BCR: variants seen among roughly 807,000 people sequenced by gnomAD.
BCR encodes the protein BCR activator of RhoGEF and GTPase.
In BCR, 58 loss-of-function variants were observed where a neutral mutation model predicts 138.6. The observed-to-expected ratio is 0.42, with a 90% CI of 0.34 to 0.52. BCR has a LOEUF of 0.52. Among genes scored for constraint, BCR ranks in the 20% least tolerant of loss-of-function variants. The pLI is 0.06. For missense variants in BCR, 1,599 were observed against 1,727.2 expected (o/e 0.93, Z 1.32); for synonymous variants, 786 against 730.1 (o/e 1.08, Z -1.23).
rs1356577528 is a variant in BCR at position 23,181,526 on chromosome 22, T to C, written c.566T>C (p.Val189Ala). The stretch of plus-strand genomic sequence containing the variant: ...GAGTTTCACCACGAGCGCGGCCTGG[T>C]GAAGGTCAACGACAAAGAGGTGTCG... ...NVEFHHERGL[V>A]KVNDKEVSDR... Residue 189 changes from valine to alanine, a missense_variant, in exon 1 of 23, where the codon GTG (valine) becomes GCG (alanine). Transcript: ENST00000305877. 6.2e-7 allele frequency: 1 copy of C among 1,612,526 alleles called. No individual in the cohort carries two copies. Among genetic ancestry groups the C allele is most frequent in the Non-Finnish European group, 8.5e-7 (1 of 1,179,844 alleles).
chr22:23,277,061 G>T (rs2073586291), intron 8 of BCR, among the ~76,000 whole-genome samples: 1 of 152,234 alleles, frequency 6.6e-6, no homozygotes, highest in South Asian at 2.1e-4. Context: ...GACGACACTA[G>T]CCAGGAAAGG....
rs186595247 is a variant in BCR, at chr22:23,284,976, A to T, written c.2238-57A>T. On this transcript the variant is annotated intron_variant, in intron 9 of 22. Coordinates refer to ENST00000305877, the MANE Select transcript of BCR (RefSeq NM_004327.4). ...GGCTCTTGGGCTCTTGACAGCAGTG[A>T]CATCAGCCATAGAAGGCAGTCGGTG... 2.6e-5 allele frequency: 40 copies of T among 1,564,972 alleles called. No individual in the cohort carries two copies. In the African/African-American group the frequency reaches 5.3e-4, roughly 21 times the overall value.
rs967146806 is a variant in BCR, at chr22:23,261,130, G to C, written c.1566+76G>C. On this transcript the variant is annotated intron_variant, in intron 3 of 22. Transcript: ENST00000305877. ...GGTTGGGGAGCCTCTTTGCCCTTAAGTCCCAGGTCAGCTGTCAGAGCCTGG... is the reference window on the plus strand; with the variant it reads ...GGTTGGGGAGCCTCTTTGCCCTTAACTCCCAGGTCAGCTGTCAGAGCCTGG... The C allele has an allele frequency of 4.8e-6, 7 of 1,450,492 alleles. No homozygotes were observed. The African/African-American group carries it at 7.0e-5, about 15-fold the overall frequency. The allele number at this position is 1,450,492 out of a possible 1,614,324, so 89.9% of individuals were successfully genotyped here. A position where few individuals can be genotyped will look rare whatever the true frequency, so the allele number is the denominator to read the frequency against.
intron 16 of BCR, among the ~76,000 whole-genome samples, chr22:23,304,989 C>G (rs531411437): frequency 6.6e-6 from 1 of 152,224 alleles, no homozygotes; most frequent in South Asian, 2.1e-4. Flanking sequence ...GTGGCAGGTG[C>G]CTGTAATCCC....
At position 23,181,577 on chromosome 22, in the gene BCR, A is replaced by T; in HGVS notation, c.617A>T (p.Gln206Leu). Residue 206 changes from glutamine (Q) to leucine (L), a missense_variant, in exon 1 of 23, where the codon CAG (glutamine) becomes CTG (leucine). This residue lies in a region of BCR where 806 missense variants were observed against 635.0 expected (regional missense o/e 1.27). Coordinates refer to ENST00000305877, the MANE Select transcript of BCR (RefSeq NM_004327.4). ...GACCGCATCAGCTCCCTGGGCAGCC[A>T]GGCCATGCAGATGGAGCGCAAAAAG... ...VSDRISSLGSQAMQMERKKSQ... is the reference protein window; with the variant it reads ...VSDRISSLGSLAMQMERKKSQ... 1.9e-6 allele frequency: 3 copies of T among 1,612,916 alleles called. No homozygotes were observed. In the East Asian group the frequency reaches 6.7e-5, roughly 36 times the overall value.
intron 17 of BCR, chr22:23,310,062 TA>T (rs549808922): frequency 1.4e-4 from 65 of 480,826 alleles, no homozygotes; most frequent in East Asian, 3.7e-4. Flanking sequence ...CTCCTATATC[TA>T]AAAAAAAGCA....
intron 16 of BCR, among the ~76,000 whole-genome samples, chr22:23,303,682 C>T (rs1371692451): frequency 6.6e-6 from 1 of 152,224 alleles, no homozygotes; most frequent in Non-Finnish European, 1.5e-5. Flanking sequence ...AATGTAAGAT[C>T]ACATGAGCAA....
intron 9 of BCR, 86 bp from the exon 10 acceptor site, chr22:23,284,947 C>A: frequency 6.9e-7 from 1 of 1,459,340 alleles, no homozygotes; most frequent in Non-Finnish European, 9.4e-7. Context: ...TGGCCGAGAA[C>A]ACTGGCTCTT....
chr22:23,184,851 C>T (rs990712224), intron 1 of BCR, among the ~76,000 whole-genome samples: 6 of 151,352 alleles, frequency 4.0e-5, no homozygotes, highest in Non-Finnish European at 8.8e-5. Flanking sequence ...TGCCTGTTTA[C>T]TGATGTTCTT....
chr22:23,266,183 C>T (rs754671880), intron 4 of BCR, among the ~76,000 whole-genome samples: 8 of 152,096 alleles, frequency 5.3e-5, no homozygotes, highest in Non-Finnish European at 7.3e-5. Flanking sequence ...CTCCTGGGTT[C>T]AGGCGATTCT....
Position 23,315,613 on chromosome 22 carries a change from T to G in BCR, c.*91T>G. On this transcript the variant is annotated 3_prime_UTR_variant, in exon 23 of 23. Coordinates refer to ENST00000305877, the MANE Select transcript of BCR (RefSeq NM_004327.4). The stretch of plus-strand genomic sequence containing the variant: ...GTAGAGCGGGAACCTTCCTGAGGTG[T>G]CCTTGGGCCACCCCCAAGTGTTGGG... The G allele has an allele frequency of 1.6e-6, 2 of 1,213,088 alleles. No homozygotes were observed. The highest frequency in any genetic ancestry group is 2.4e-6 in the Non-Finnish European group (2 of 829,414). 75.1% of individuals were successfully genotyped at this position (1,213,088 alleles called of 1,614,324 possible). A position where few individuals can be genotyped will look rare whatever the true frequency, so the allele number is the denominator to read the frequency against.
At chr22:23,258,733 C>T (rs1438857665) in intron 2 of BCR, among the ~76,000 whole-genome samples, 1 of 152,214 alleles carries the variant, frequency 6.6e-6, no homozygotes, top group Non-Finnish European at 1.5e-5. Flanking sequence ...TCCTGCAAGG[C>T]ACAGGATGCC....
intron 1 of BCR, among the ~76,000 whole-genome samples, chr22:23,218,632 C>G (rs986741671): frequency 9.2e-5 from 14 of 152,096 alleles, no homozygotes; most frequent in Non-Finnish European, 1.8e-4. Flanking sequence ...CGTGTGGGGA[C>G]AAGCTGAACA....
intron 16 of BCR, among the ~76,000 whole-genome samples, chr22:23,308,394 C>T (rs1450048560): frequency 1.3e-5 from 2 of 152,180 alleles, no homozygotes; most frequent in Admixed American, 6.5e-5. Flanking sequence ...CAACCTCCAC[C>T]TCCTGAGTTC....
intron 1 of BCR, among the ~76,000 whole-genome samples, chr22:23,206,509 G>A (rs1318306575): frequency 1.3e-5 from 2 of 151,594 alleles, no homozygotes; most frequent in Non-Finnish European, 1.5e-5. Context: ...CCCAGGAGGC[G>A]GAGCTTGCAG....
intron 16 of BCR, among the ~76,000 whole-genome samples, chr22:23,300,997 A>G (rs777420978): frequency 2.0e-5 from 3 of 152,282 alleles, no homozygotes; most frequent in Non-Finnish European, 4.4e-5. Context: ...AGACAGGGCT[A>G]ACATGATTTA....
At chr22:23,190,266 C>G (rs1057447620) in intron 1 of BCR, among the ~76,000 whole-genome samples, 8 of 152,184 alleles carry the variant, frequency 5.3e-5, no homozygotes, top group Admixed American at 2.0e-4. Context: ...CTCCCAGGTT[C>G]AGGCAATTCT....
At chr22:23,194,422 T>C (rs1277939189) in intron 1 of BCR, among the ~76,000 whole-genome samples, 2 of 151,482 alleles carry the variant, frequency 1.3e-5, no homozygotes, top group African/African-American at 4.9e-5. Context: ...TTCTTTCTTT[T>C]TTCTTTGAGA....
At chr22:23,183,380 A>G (rs900293433) in intron 1 of BCR, among the ~76,000 whole-genome samples, 21 of 152,198 alleles carry the variant, frequency 1.4e-4, no homozygotes, top group Non-Finnish European at 2.8e-4. Flanking sequence ...TCTTCAAACG[A>G]GTGAGGCTAT....
Sources: allele counts gnomAD v4.1 joint callset (sites outside exome capture counted in the v4.1 genomes callset), GRCh38; gene constraint gnomAD v4.1.1; regional missense constraint gnomAD v4.1.1; transcripts MANE v1.5; gene names NCBI Gene and HGNC (gene_info 2026-07-23, HGNC 2026-07-21).